Variants in PCDH7 observed in about 807,000 individuals in gnomAD.
PCDH7 encodes protocadherin-7.
Under a neutral mutation model 58.9 loss-of-function variants are expected in PCDH7, and 17 were observed. The ratio of observed to expected loss-of-function variants is 0.29; its 90% CI spans 0.20 to 0.43. The LOEUF (loss-of-function observed/expected upper bound fraction) is 0.43, where lower values mean the gene tolerates loss of function less well. Ranked by LOEUF, PCDH7 falls within the 20% of genes least tolerant of loss-of-function variation. The probability of loss-of-function intolerance (pLI) is 1.00; values close to 1 mark genes in which losing one functional copy is unlikely to be tolerated. For synonymous variants in PCDH7, 664 were observed against 616.4 expected, an observed-to-expected ratio of 1.08 and a Z score of -1.14; for missense variants, 1,274 against 1,441.0, an observed-to-expected ratio of 0.88 and a Z score of 1.88.
chr4:30,907,988 C>T (rs1741201053), intron 1 of PCDH7, among the ~76,000 whole-genome samples: 1 of 152,106 alleles, frequency 6.6e-6, no homozygotes, highest in South Asian at 2.1e-4. Context: ...TCTAAGCAAA[C>T]TATTACAAGG....
chr4:30,888,124 T>A (rs1455547892), intron 1 of PCDH7, among the ~76,000 whole-genome samples: 1 of 152,132 alleles, frequency 6.6e-6, no homozygotes, highest in Non-Finnish European at 1.5e-5. Flanking sequence ...TCTGCCCACC[T>A]CTGCCTCCCA....
intron 1 of PCDH7, among the ~76,000 whole-genome samples, chr4:30,919,037 G>T (rs912557668): frequency 1.3e-5 from 2 of 151,896 alleles, no homozygotes; most frequent in Non-Finnish European, 2.9e-5. Flanking sequence ...GTGCAAAAAA[G>T]ATTTTGTAAA....
intron 3 of PCDH7, among the ~76,000 whole-genome samples, chr4:31,125,581 A>T (rs1718205257): frequency 6.6e-6 from 1 of 152,280 alleles, no homozygotes; most frequent in Admixed American, 6.5e-5. Context: ...AACGCAGTTC[A>T]ATTTTTGAAT....
intron 3 of PCDH7, among the ~76,000 whole-genome samples, chr4:30,950,490 A>G (rs1747246096): frequency 6.6e-6 from 1 of 152,200 alleles, no homozygotes; most frequent in South Asian, 2.1e-4. Flanking sequence ...TATGTATAAA[A>G]TAAATGGAAC....
chr4:30,722,248 C>T lies in PCDH7; in HGVS notation c.826C>T (p.Leu276=). Residue 276 remains leucine (L), a synonymous_variant, in exon 1 of 2, where the codon CTG becomes TTG. Transcript: ENST00000361762. The surrounding 1 kb of genome is among the most constrained non-coding windows in gnomAD (Gnocchi z 7.6). ...CCGCGAGCAGCGCGACTCCTACGAG[C>T]TGACCCTGCGAGTGCGCGACGGCGG... The T allele has an allele frequency of 6.3e-7, 1 of 1,596,184 alleles. No homozygotes were observed. The highest frequency in any genetic ancestry group is 8.5e-7 in the Non-Finnish European group (1 of 1,172,462).
intron 3 of PCDH7, among the ~76,000 whole-genome samples, chr4:31,077,570 T>G (rs141548162): frequency 6.6e-6 from 1 of 152,278 alleles, no homozygotes; most frequent in East Asian, 1.9e-4. Context: ...GGAAATGTTT[T>G]AAATGTTTAG....
chr4:30,922,685 G>T (rs1273574003), intron 2 of PCDH7, among the ~76,000 whole-genome samples: 1 of 152,020 alleles, frequency 6.6e-6, no homozygotes, highest in Non-Finnish European at 1.5e-5. Context: ...TCAAAAGCAA[G>T]GGTCATGATA....
At chr4:30,911,591 A>G (rs1185080681) in intron 1 of PCDH7, among the ~76,000 whole-genome samples, 1 of 152,162 alleles carries the variant, frequency 6.6e-6, no homozygotes, top group Non-Finnish European at 1.5e-5. Context: ...TGTGTTTTAA[A>G]ATATAATATC....
At chr4:31,036,670 C>A (rs1028422094) in intron 3 of PCDH7, among the ~76,000 whole-genome samples, 2 of 152,182 alleles carry the variant, frequency 1.3e-5, no homozygotes, top group Admixed American at 1.3e-4. Flanking sequence ...GTGCAAAACA[C>A]TATACTGCAC....
chr4:30,861,491 T>C (rs1734193831), intron 1 of PCDH7, among the ~76,000 whole-genome samples: 1 of 152,218 alleles, frequency 6.6e-6, no homozygotes, highest in South Asian at 2.1e-4. Context: ...TTAATTGTTA[T>C]TCATTATTTT....
chr4:30,994,445 T>C (rs1208028443), intron 3 of PCDH7, among the ~76,000 whole-genome samples: 1 of 152,206 alleles, frequency 6.6e-6, no homozygotes, highest in Non-Finnish European at 1.5e-5. Context: ...TCATTTTATC[T>C]TCGTTCTGTA....
chr4:31,015,833 T>C (rs1213570765), intron 3 of PCDH7, among the ~76,000 whole-genome samples: 1 of 152,200 alleles, frequency 6.6e-6, no homozygotes, highest in African/African-American at 2.4e-5. Flanking sequence ...ATATTAATTA[T>C]AGATCACTTT....
chr4:30,997,095 T>A (rs1027925534), intron 3 of PCDH7, among the ~76,000 whole-genome samples: 2 of 149,500 alleles, frequency 1.3e-5, no homozygotes, highest in African/African-American at 4.9e-5. Flanking sequence ...TTTTTTTTTG[T>A]TTTACATCAG....
At chr4:31,132,940 T>A (rs955304074) in intron 3 of PCDH7, among the ~76,000 whole-genome samples, 9 of 152,226 alleles carry the variant, frequency 5.9e-5, no homozygotes, top group Admixed American at 5.2e-4. Flanking sequence ...AAACAGAATC[T>A]TGCAGATTAT....
At chr4:31,108,687 A>G (rs950943986) in intron 3 of PCDH7, among the ~76,000 whole-genome samples, 2 of 152,226 alleles carry the variant, frequency 1.3e-5, no homozygotes, top group Admixed American at 6.5e-5. Flanking sequence ...GTGTAAAGCA[A>G]CTGTGCAATA....
rs1396554578 is a variant in PCDH7 at position 30,968,369 on chromosome 4, ACACACAC to A, written c.*7+18155_*7+18161del. On this transcript the variant is annotated intron_variant, in intron 3 of 3. Transcript: ENST00000509759. ...ATATATATACACACACTATATATAT[ACACACAC>A]TATATATATATATATATATATATAT... 1.6e-3 allele frequency among the ~76,000 whole-genome samples: 176 copies of A among 111,072 alleles called. 1 individual carries two copies. Among genetic ancestry groups the A allele is most frequent in the Non-Finnish European group, 2.7e-3 (146 of 53,788 alleles). 72.9% of individuals were successfully genotyped at this position (111,072 alleles called of 152,430 possible). A position where few individuals can be genotyped will look rare whatever the true frequency, so the allele number is the denominator to read the frequency against.
At chr4:31,027,899 T>C (rs1478376733) in intron 3 of PCDH7, among the ~76,000 whole-genome samples, 1 of 152,318 alleles carries the variant, frequency 6.6e-6, no homozygotes, top group East Asian at 1.9e-4. Context: ...TTATCCTTTA[T>C]TGGTATTTTA....
chr4:30,843,665 T>A (rs10025293), intron 1 of PCDH7, among the ~76,000 whole-genome samples: 1 of 151,982 alleles, frequency 6.6e-6, no homozygotes, highest in Non-Finnish European at 1.5e-5. Context: ...ATTTTAACAC[T>A]TTTAAATAAC....
chr4:30,837,900 TA>T (rs1553897959), intron 1 of PCDH7, among the ~76,000 whole-genome samples: 1 of 24,128 alleles, frequency 4.1e-5, no homozygotes, highest in African/African-American at 6.6e-4. Flanking sequence ...ATGTATATTT[TA>T]TATATATATA....
Sources: allele counts gnomAD v4.1 joint callset (sites outside exome capture counted in the v4.1 genomes callset), GRCh38; gene constraint gnomAD v4.1.1; non-coding constraint Gnocchi (gnomAD v3.1); transcripts MANE v1.5; gene names NCBI Gene and HGNC (gene_info 2026-07-23, HGNC 2026-07-21).